Variants in PLXND1 observed in about 807,000 individuals in gnomAD.
The protein encoded by PLXND1 is plexin-D1.
PLXND1 carries 54 observed loss-of-function variants against 197.7 expected under a neutral mutation model. The ratio of observed to expected loss-of-function variants is 0.27; its 90% CI spans 0.22 to 0.34. The LOEUF (loss-of-function observed/expected upper bound fraction) is 0.34, where lower values mean the gene tolerates loss of function less well. Ranked by LOEUF, PLXND1 falls within the 10% of genes least tolerant of loss-of-function variation. The pLI, the probability that PLXND1 is intolerant of heterozygous loss-of-function variation, is 1.00. For synonymous variants in PLXND1, 1,180 were observed against 1,161.2 expected (o/e 1.02, Z -0.33); for missense variants, 2,127 against 2,699.2 (o/e 0.79, Z 4.70).
At chr3:129,595,623 C>T (rs977859032) in intron 1 of PLXND1, among the ~76,000 whole-genome samples, 4 of 152,178 alleles carry the variant, frequency 2.6e-5, no homozygotes, top group African/African-American at 9.7e-5. Flanking sequence ...CTCTGGCAGA[C>T]CCTTCGGGGA....
In PLXND1 at chr3:129,563,173, A is replaced by T; in HGVS notation, c.4589T>A (p.Ile1530Asn). ...AIKQQINKGS[I>N]DAITGKARYT... ...GCGGGCCTTGCCTGTGATGGCGTCG[A>T]TGGAGCCCTTGTTGATTTGCTGCTT... Residue 1530 changes from isoleucine to asparagine, a missense_variant, in exon 26 of 36, where the codon ATC becomes AAC. Ile to Asn is a moderately radical substitution (Grantham distance 149). Around this residue, in one of 6 missense-constraint regions of PLXND1, gnomAD observed 532 missense variants for 811.0 expected, o/e 0.66. Transcript: ENST00000324093. The T allele has an allele frequency of 6.2e-7, 1 of 1,612,606 alleles. No homozygotes were observed. Among genetic ancestry groups the T allele is most frequent in the Non-Finnish European group, 8.5e-7 (1 of 1,179,358 alleles).
chr3:129,585,991 G>C lies in PLXND1; in HGVS notation c.1812C>G (p.Thr604=). 1 of 1,614,038 alleles carries C rather than the reference G, an allele frequency of 6.2e-7. No homozygotes were observed. The highest frequency in any genetic ancestry group is 1.1e-5 in the South Asian group (1 of 91,078). Residue 604 remains threonine, a synonymous_variant, in exon 5 of 36, where the codon ACC becomes ACG. Transcript: ENST00000324093. Reference sequence around the variant, plus strand: ...GCACATCGATCTCGGAAGGCAGGACGGTCATGGCAGGACAGCGGCTGGGGC... The same window carrying C: ...GCACATCGATCTCGGAAGGCAGGACCGTCATGGCAGGACAGCGGCTGGGGC... ...SEGPSRCPAM[T]VLPSEIDVRQ... is the part of the protein sequence containing the mutation.
intron 1 of PLXND1, among the ~76,000 whole-genome samples, chr3:129,603,403 C>A (rs938237576): frequency 4.6e-5 from 7 of 152,196 alleles, no homozygotes; most frequent in African/African-American, 1.7e-4. Context: ...CCTAAGGAAT[C>A]CCACAGATCA....
At chr3:129,569,261 G>A (rs2085187469) in intron 20 of PLXND1, 1 of 152,512 alleles carries the variant, frequency 6.6e-6, no homozygotes, top group African/African-American at 2.4e-5. Context: ...CTATAAACGT[G>A]TGTACAAGTT....
At chr3:129,583,996 C>T in intron 7 of PLXND1, 129 bp downstream of exon 7, 1 of 660,606 alleles carries the variant, frequency 1.5e-6, no homozygotes, top group Non-Finnish European at 2.8e-6. Flanking sequence ...GGTGAATGAA[C>T]AACTGAAGGG....
intron 5 of PLXND1, among the ~76,000 whole-genome samples, chr3:129,585,149 A>C (rs1250105521): frequency 6.6e-6 from 1 of 152,220 alleles, no homozygotes; most frequent in African/African-American, 2.4e-5. Context: ...GTGTTCCATA[A>C]TATTTGTCCA....
chr3:129,559,678 G>C lies in PLXND1; in HGVS notation c.5239C>G (p.Gln1747Glu). The change falls in exon 32 of 36, where the codon CAG (glutamine) becomes GAG (glutamate). Residue 1747 changes from glutamine to glutamate, a missense_variant. Coordinates refer to ENST00000324093, the MANE Select transcript of PLXND1 (RefSeq NM_015103.3). ...TCGGAGATTCCCCTCTTCTCAGCCT[G>C]CTCCTCCAGGAAGTCGAAAAAGTAC... ...VKYFFDFLEE[Q>E]AEKRGISDPD... 1 of 1,613,304 alleles carries C rather than the reference G, an allele frequency of 6.2e-7. No homozygotes were observed. Among genetic ancestry groups the C allele is most frequent in the Non-Finnish European group, 8.5e-7 (1 of 1,179,652 alleles).
intron 10 of PLXND1, 94 bp from the exon 11 acceptor site, chr3:129,575,656 C>T: frequency 6.4e-6 from 8 of 1,243,438 alleles, no homozygotes; most frequent in Non-Finnish European, 9.2e-6. Flanking sequence ...GTTGGGGCTG[C>T]TGGGGATGGG....
At chr3:129,588,949 C>G (rs1443613879) in intron 2 of PLXND1, among the ~76,000 whole-genome samples, 1 of 152,182 alleles carries the variant, frequency 6.6e-6, no homozygotes, top group Non-Finnish European at 1.5e-5. Context: ...ATGGCCTTAC[C>G]CTGCCAAAGC....
chr3:129,584,643 G>T, intron 5 of PLXND1, 81 bp from the exon 6 acceptor site: 1 of 1,341,000 alleles, frequency 7.5e-7, no homozygotes, highest in African/African-American at 1.5e-5. Flanking sequence ...CCAACCCAAG[G>T]TCTGGCACTG....
intron 1 of PLXND1, among the ~76,000 whole-genome samples, chr3:129,605,085 C>T (rs1215766776): frequency 6.6e-6 from 1 of 152,188 alleles, no homozygotes; most frequent in Non-Finnish European, 1.5e-5. Flanking sequence ...CCTAGGTATG[C>T]GCGCCCATGA....
In PLXND1 at chr3:129,555,418, G is replaced by A. The variant is rs1317181978; in HGVS notation, c.*894C>T. The A allele has an allele frequency of 4.6e-6, 3 of 651,174 alleles. No homozygotes were observed. The highest frequency in any genetic ancestry group is 8.1e-6 in the Non-Finnish European group (3 of 369,360). 40.3% of individuals were successfully genotyped at this position (651,174 alleles called of 1,614,324 possible). ...GCGCCAGGGGCGCTCTGCCAGGTCT[G>A]CCCGCTCTCTGGAACAGTCATTTCC... On this transcript the variant is annotated 3_prime_UTR_variant, in exon 36 of 36. Coordinates refer to ENST00000324093, the MANE Select transcript of PLXND1 (RefSeq NM_015103.3).
rs564537028 is a variant in PLXND1 at position 129,574,502 on chromosome 3, C to T, written c.2531-12G>A. The T allele has an allele frequency of 3.5e-5, 56 of 1,609,656 alleles. No individual in the cohort carries two copies. The highest frequency in any genetic ancestry group is 5.5e-5 in the South Asian group (5 of 90,782). On this transcript the variant is annotated splice_polypyrimidine_tract_variant and intron_variant, in intron 11 of 35. Transcript: ENST00000324093. ...GTTATAGACCATGACTGGGGAGACA[C>T]GGGGCAGCTCGGTCAGCCCCGCTCT...
chr3:129,572,551 C>T, intron 15 of PLXND1, 58 bp downstream of exon 15: 3 of 1,401,672 alleles, frequency 2.1e-6, no homozygotes, highest in Non-Finnish European at 2.8e-6. Context: ...AGCCCGCCAG[C>T]CCCCAAGCCC....
chr3:129,602,172 C>T (rs1352351791), intron 1 of PLXND1, among the ~76,000 whole-genome samples: 1 of 152,200 alleles, frequency 6.6e-6, no homozygotes, highest in Non-Finnish European at 1.5e-5. Context: ...TCCCCTTCTG[C>T]AGCGGGGAGA....
chr3:129,582,248 C>T (rs1344616965), intron 8 of PLXND1, among the ~76,000 whole-genome samples: 2 of 152,274 alleles, frequency 1.3e-5, no homozygotes, highest in African/African-American at 4.8e-5. Context: ...ATGGGGCCCC[C>T]TCCTTAGCAA....
At chr3:129,585,063 A>G (rs916201005) in intron 5 of PLXND1, among the ~76,000 whole-genome samples, 1 of 152,032 alleles carries the variant, frequency 6.6e-6, no homozygotes, top group Admixed American at 6.6e-5. Flanking sequence ...CTCCTCCCCC[A>G]TGAGCCTGGG....
intron 1 of PLXND1, among the ~76,000 whole-genome samples, chr3:129,604,795 C>T (rs1029145061): frequency 6.6e-6 from 1 of 152,236 alleles, no homozygotes; most frequent in Non-Finnish European, 1.5e-5. Flanking sequence ...CTGCCCTGTG[C>T]GTCTTCAGGC....
At chr3:129,598,983 C>A (rs1171259217) in intron 1 of PLXND1, among the ~76,000 whole-genome samples, 1 of 152,212 alleles carries the variant, frequency 6.6e-6, no homozygotes. Context: ...CAAGCAACAA[C>A]CACAGTAATT....
Sources: allele counts gnomAD v4.1 joint callset (sites outside exome capture counted in the v4.1 genomes callset), GRCh38; gene constraint gnomAD v4.1.1; regional missense constraint gnomAD v4.1.1; transcripts MANE v1.5; gene names NCBI Gene and HGNC (gene_info 2026-07-23, HGNC 2026-07-21).